Variants in LMAN1L observed in about 807,000 individuals in gnomAD.
LMAN1L encodes lectin, mannose binding 1 like.
Under a neutral mutation model 58.3 loss-of-function variants are expected in LMAN1L, and 60 were observed. The ratio of observed to expected loss-of-function variants is 1.03; its 90% CI spans 0.84 to 1.27. The LOEUF (loss-of-function observed/expected upper bound fraction) is 1.27, where lower values mean the gene tolerates loss of function less well. Ranked by LOEUF, LMAN1L falls within the 50% of genes most tolerant of loss-of-function variation. The pLI is 0.00. For missense variants in LMAN1L, 629 were observed against 674.0 expected (o/e 0.93, Z 0.74); for synonymous variants, 280 against 271.6 (o/e 1.03, Z -0.31).
intron 1 of LMAN1L, chr15:74,813,512 G>A (rs1284322208): frequency 2.2e-6 from 1 of 456,036 alleles, no homozygotes; most frequent in Non-Finnish European, 4.4e-6. Context: ...CTGTATGTGT[G>A]TTGTGGGTGG....
rs758161800 is a variant in LMAN1L at position 74,818,814 on chromosome 15, GCGCGTGAGTCACC to G, written c.596_597+11del. On this transcript the variant is annotated splice_donor_variant and splice_donor_5th_base_variant and coding_sequence_variant and intron_variant, in exon 5 of 14. Coordinates refer to ENST00000309664, the MANE Select transcript of LMAN1L (RefSeq NM_021819.3). LOFTEE classifies it high-confidence loss of function. ...GGATCACCTACTGGGGGCAGAGGCT[GCGCGTGAGTCACC>G]CTTCCTGCTTCTGACAGGGCTCTGA... 1.9e-6 allele frequency: 3 copies of G among 1,606,834 alleles called. No individual in the cohort carries two copies. The Admixed American group carries it at 5.1e-5, about 27-fold the overall frequency.
chr15:74,821,431 G>A (rs1567225069), intron 9 of LMAN1L, among the ~76,000 whole-genome samples: 1 of 152,226 alleles, frequency 6.6e-6, no homozygotes, highest in Non-Finnish European at 1.5e-5. Flanking sequence ...TGAGGCTGGG[G>A]CTGGGGAGAG....
rs199775835 is a variant in LMAN1L, at chr15:74,818,818, G to T, written c.597+1G>T. 4 of 1,604,970 alleles carry T rather than the reference G, an allele frequency of 2.5e-6. No individual in the cohort carries two copies. In the Admixed American group the frequency reaches 6.8e-5, roughly 27 times the overall value. On this transcript the variant is annotated splice_donor_variant, in intron 5 of 13. Transcript: ENST00000309664. LOFTEE classifies it high-confidence loss of function. ...CACCTACTGGGGGCAGAGGCTGCGCGTGAGTCACCCTTCCTGCTTCTGACA... is the reference window on the plus strand; with the variant it reads ...CACCTACTGGGGGCAGAGGCTGCGCTTGAGTCACCCTTCCTGCTTCTGACA...
chr15:74,815,673 G>A (rs887172693), intron 1 of LMAN1L, among the ~76,000 whole-genome samples: 1 of 152,178 alleles, frequency 6.6e-6, no homozygotes, highest in Non-Finnish European at 1.5e-5. Flanking sequence ...CCTTCTTGCA[G>A]TTACTCCCTC....
Position 74,824,613 on chromosome 15 carries a change from T to G in LMAN1L, c.1451+135T>G, listed in dbSNP as rs1303885609. 1.9e-5 allele frequency: 20 copies of G among 1,039,520 alleles called. No individual in the cohort carries two copies. The East Asian group carries it at 4.5e-4, about 24-fold the overall frequency. 64.4% of individuals were successfully genotyped at this position (1,039,520 alleles called of 1,614,324 possible). On this transcript the variant is annotated intron_variant, in intron 13 of 13. Transcript: ENST00000309664. ...AGTCCCCAAATCACAAAGAGCACAG[T>G]GCGGGATAGGGCCCATTCTCTCACC...
intron 1 of LMAN1L, chr15:74,813,568 C>T (rs1179078013): frequency 2.4e-6 from 1 of 418,026 alleles, no homozygotes; most frequent in South Asian, 1.7e-5. Flanking sequence ...TATTCAGGGA[C>T]TTCCAAACCC....
At position 74,821,867 on chromosome 15, in the gene LMAN1L, G is replaced by A. The variant is rs1313628767; in HGVS notation, c.1098G>A (p.Gly366=). The A allele has an allele frequency of 5.0e-6, 8 of 1,612,692 alleles. No homozygotes were observed. The highest frequency in any genetic ancestry group is 6.8e-6 in the Non-Finnish European group (8 of 1,179,020). The change falls in exon 10 of 14, where the codon GGG becomes GGA. Residue 366 remains glycine, a synonymous_variant. Coordinates refer to ENST00000309664, the MANE Select transcript of LMAN1L (RefSeq NM_021819.3). ...CCTGCCAGATTCCATCCACCCCAGG[G>A]AGGGGTGGCCACCTCTCCATGTCAC... ...DASCQIPSTP[G]RGGHLSMSLN... is the part of the protein sequence containing the mutation.
intron 7 of LMAN1L, 138 bp downstream of exon 7, chr15:74,820,237 AG>A: frequency 1.2e-6 from 1 of 819,334 alleles, no homozygotes; most frequent in East Asian, 2.5e-5. Flanking sequence ...GACCTTGTGC[AG>A]GGCAGTGCTG....
At position 74,821,863 on chromosome 15, in the gene LMAN1L, C is replaced by A. The variant is rs775133274; in HGVS notation, c.1094C>A (p.Pro365Gln). ...LDASCQIPST[P>Q]GRGGHLSMSL... is the part of the protein sequence containing the mutation. ...GCTTCCTGCCAGATTCCATCCACCC[C>A]AGGGAGGGGTGGCCACCTCTCCATG... The change falls in exon 10 of 14, where the codon CCA becomes CAA. Residue 365 changes from proline (P) to glutamine (Q), a missense_variant. Physicochemically the swap from Pro to Gln is moderately conservative, Grantham distance 76. Around this residue, in one of 3 missense-constraint regions of LMAN1L, gnomAD observed 573 missense variants for 597.3 expected, o/e 0.96. Transcript: ENST00000309664. 1 of 1,613,236 alleles carries A rather than the reference C, an allele frequency of 6.2e-7. No homozygotes were observed.
chr15:74,814,701 T>G (rs112316714), intron 1 of LMAN1L, among the ~76,000 whole-genome samples: 7,647 of 152,054 alleles, frequency 0.05, 624 homozygotes, highest in African/African-American at 0.17. Flanking sequence ...TAGAGACGGG[T>G]TGTCACCATG....
chr15:74,820,368 G>A (rs1567224690), intron 7 of LMAN1L: 1 of 616,976 alleles, frequency 1.6e-6, no homozygotes. Flanking sequence ...CACAGAGGAG[G>A]AGTCCCAACC....
Position 74,825,481 on chromosome 15 carries a change from A to G in LMAN1L, c.1457A>G (p.Glu486Gly). The change falls in exon 14 of 14, where the codon GAG becomes GGG. Residue 486 changes from glutamate (E) to glycine (G), a missense_variant. Transcript: ENST00000309664. ...GFFGYVHFRQ[E>G]LNKSLQECLS... ...AACCTTCTCTCTGGCAGCAGGCAGG[A>G]GCTGAACAAGAGCCTTCAGGAGTGT... The G allele has an allele frequency of 6.2e-7, 1 of 1,610,740 alleles. No individual in the cohort carries two copies. The highest frequency in any genetic ancestry group is 8.5e-7 in the Non-Finnish European group (1 of 1,177,382).
chr15:74,817,307 G>A (rs79879088), intron 4 of LMAN1L, among the ~76,000 whole-genome samples: 1 of 152,058 alleles, frequency 6.6e-6, no homozygotes, highest in African/African-American at 2.4e-5. Context: ...TCATAACATT[G>A]TTATGAGGTC....
intron 4 of LMAN1L, among the ~76,000 whole-genome samples, 159 bp downstream of exon 4, chr15:74,816,849 C>A (rs533364148): frequency 6.6e-6 from 1 of 152,184 alleles, no homozygotes; most frequent in African/African-American, 2.4e-5. Context: ...CGTCCGCCCC[C>A]CTGGGGCTTG....
intron 10 of LMAN1L, among the ~76,000 whole-genome samples, 193 bp downstream of exon 10, chr15:74,822,093 C>T (rs902962139): frequency 3.5e-4 from 53 of 152,166 alleles, no homozygotes; most frequent in African/African-American, 1.2e-3. Context: ...GAGGCCAAGG[C>T]GGACAGATCA....
chr15:74,814,721 C>G lies in LMAN1L; in HGVS notation c.176-1436C>G, dbSNP rs141647800. Among the ~76,000 whole-genome samples the G allele has an allele frequency of 6.6e-3, 1,005 of 152,150 alleles. 10 individuals are homozygous for G. The highest frequency in any genetic ancestry group is 0.023 in the African/African-American group (961 of 41,510). On this transcript the variant is annotated intron_variant, in intron 1 of 13. Transcript: ENST00000309664. ...ACGGGTTGTCACCATGTTGGCCAGGCTGGTCTTGAACTACTGACCTCAGAT... is the reference window on the plus strand; with the variant it reads ...ACGGGTTGTCACCATGTTGGCCAGGGTGGTCTTGAACTACTGACCTCAGAT...
chr15:74,823,459 A>G (rs931225245), intron 11 of LMAN1L, 100 bp from the exon 12 acceptor site: 1 of 1,369,862 alleles, frequency 7.3e-7, no homozygotes. Context: ...CCTGTTCCCC[A>G]TCCATGTGCT....
At chr15:74,816,764 C>T (rs2063893331) in intron 4 of LMAN1L, 74 bp downstream of exon 4, 1 of 1,401,296 alleles carries the variant, frequency 7.1e-7, no homozygotes, top group Non-Finnish European at 9.8e-7. Flanking sequence ...CATCCGAGCC[C>T]CTGCCCCAGC....
rs376606290 is a variant in LMAN1L at position 74,824,335 on chromosome 15, G to A, written c.1324-16G>A. 145 of 1,613,196 alleles carry A rather than the reference G, an allele frequency of 9.0e-5. No homozygotes were observed. Among genetic ancestry groups the A allele is most frequent in the Non-Finnish European group, 1.2e-4 (137 of 1,179,528 alleles). ...GGTAAGAAGCTAAGCTAGGACCTTA[G>A]ACTTTCCCCTTTCAGAAGGCAGCAG... On this transcript the variant is annotated splice_polypyrimidine_tract_variant and intron_variant, in intron 12 of 13. Coordinates refer to ENST00000309664, the MANE Select transcript of LMAN1L (RefSeq NM_021819.3).
Sources: gnomAD v4.1 joint callset for allele counts (sites outside exome capture counted in the v4.1 genomes callset) on GRCh38, gnomAD v4.1.1 for gene constraint, gnomAD v4.1.1 regional missense constraint, MANE v1.5 for transcripts, NCBI Gene and HGNC (gene_info 2026-07-23, HGNC 2026-07-21) for gene names.